The following SERGEF variants were observed in gnomAD, a reference collection of about 807,000 sequenced individuals.
SERGEF encodes the protein secretion-regulating guanine nucleotide exchange factor.
A neutral mutation model predicts 50.0 loss-of-function variants in SERGEF; 51 were observed. The observed-to-expected ratio is 1.02, with a 90% CI of 0.81 to 1.29. The LOEUF (loss-of-function observed/expected upper bound fraction) is 1.29, where lower values mean the gene tolerates loss of function less well. SERGEF is among the 50% of genes most tolerant of loss of function. The probability of loss-of-function intolerance (pLI) is 0.00; values close to 1 mark genes in which losing one functional copy is unlikely to be tolerated. For synonymous variants in SERGEF, 205 were observed against 212.4 expected (o/e 0.97, Z 0.30); for missense variants, 521 against 557.0 (o/e 0.94, Z 0.65).
intron 8 of SERGEF, among the ~76,000 whole-genome samples, chr11:17,969,387 C>T (rs1276048513): frequency 6.6e-6 from 1 of 152,138 alleles, no homozygotes; most frequent in Non-Finnish European, 1.5e-5. Context: ...CAGATTGCTG[C>T]CTAATCTTAG....
intron 9 of SERGEF, among the ~76,000 whole-genome samples, chr11:17,946,752 T>C (rs916601980): frequency 6.6e-6 from 1 of 152,206 alleles, no homozygotes; most frequent in Non-Finnish European, 1.5e-5. Context: ...CAATGCAGAT[T>C]GAAAAAGATG....
chr11:17,832,739 TG>T (rs1472925793), intron 10 of SERGEF, among the ~76,000 whole-genome samples: 1 of 152,216 alleles, frequency 6.6e-6, no homozygotes, highest in African/African-American at 2.4e-5. Context: ...ATGAAGAATT[TG>T]TTGGGAACTG....
At chr11:17,820,248 TC>T (rs1407197448) in intron 10 of SERGEF, among the ~76,000 whole-genome samples, 5 of 144,456 alleles carry the variant, frequency 3.5e-5, no homozygotes, top group Non-Finnish European at 6.1e-5. Flanking sequence ...CCCACTGCCC[TC>T]CCTCCCCCAA....
chr11:17,816,641 C>G (rs1014214214), intron 10 of SERGEF, among the ~76,000 whole-genome samples: 1 of 152,186 alleles, frequency 6.6e-6, no homozygotes, highest in Non-Finnish European at 1.5e-5. Flanking sequence ...TGCAGTCTGA[C>G]ACCACTTGCT....
At chr11:17,878,448 T>C (rs1851279860) in intron 9 of SERGEF, among the ~76,000 whole-genome samples, 1 of 152,164 alleles carries the variant, frequency 6.6e-6, no homozygotes, top group African/African-American at 2.4e-5. Context: ...AAATATTGAA[T>C]GGAAATTCAT....
Position 17,995,902 on chromosome 11 carries a change from G to C in SERGEF, c.516C>G (p.Gly172=), listed in dbSNP as rs749623076. 1 of 1,611,760 alleles carries C rather than the reference G, an allele frequency of 6.2e-7. No homozygotes were observed. Among genetic ancestry groups the C allele is most frequent in the Non-Finnish European group, 8.5e-7 (1 of 1,178,062 alleles). Residue 172 remains glycine, a synonymous_variant, in exon 6 of 11, where the codon GGC becomes GGG. Coordinates refer to ENST00000265965, the MANE Select transcript of SERGEF (RefSeq NM_012139.4). ...LRHAVAATAS[G]IVFQWGTGLA... ...AACCAGTCCCCCACTGGAACACGAT[G>C]CCACTCGCTTCCCAACAGAATGGAA...
intron 9 of SERGEF, among the ~76,000 whole-genome samples, chr11:17,948,457 G>A (rs566621705): frequency 3.3e-5 from 5 of 152,118 alleles, no homozygotes; most frequent in African/African-American, 4.8e-5. Flanking sequence ...GTGCAGACCC[G>A]ATCGTCAAAT....
At chr11:17,792,822 C>T (rs1025268686) in intron 10 of SERGEF, among the ~76,000 whole-genome samples, 1 of 152,154 alleles carries the variant, frequency 6.6e-6, no homozygotes, top group African/African-American at 2.4e-5. Context: ...GCTTGTCAAG[C>T]TTATTCTATA....
chr11:17,829,173 C>T (rs566305505), intron 10 of SERGEF, among the ~76,000 whole-genome samples: 5 of 152,342 alleles, frequency 3.3e-5, no homozygotes, highest in African/African-American at 1.2e-4. Flanking sequence ...GGCTCTGCTA[C>T]TTGTTACGTG....
Position 17,898,379 on chromosome 11 carries a change from G to A in SERGEF, c.1012-20135C>T, listed in dbSNP as rs116995272. Among the ~76,000 whole-genome samples the A allele has an allele frequency of 8.5e-4, 130 of 152,248 alleles. No individual in the cohort carries two copies. In the East Asian group the frequency reaches 0.019, roughly 23 times the overall value. On this transcript the variant is annotated intron_variant, in intron 9 of 10. Transcript: ENST00000265965. ...CAGGTAAGAGTAGGTTGAACTTCAG[G>A]TTCTATCACAATCTTCTGTGAACTT...
At chr11:17,993,747 T>G (rs915609446) in intron 6 of SERGEF, among the ~76,000 whole-genome samples, 5 of 152,186 alleles carry the variant, frequency 3.3e-5, no homozygotes, top group African/African-American at 1.2e-4. Context: ...ACAAAGCAGA[T>G]GTTTTCACCC....
chr11:17,936,681 C>T (rs1738509463), intron 9 of SERGEF, among the ~76,000 whole-genome samples: 1 of 152,156 alleles, frequency 6.6e-6, no homozygotes, highest in African/African-American at 2.4e-5. Flanking sequence ...AGGCATTTCA[C>T]AGAGAGACTC....
chr11:17,902,075 A>G (rs182027296), intron 9 of SERGEF, among the ~76,000 whole-genome samples: 13 of 152,354 alleles, frequency 8.5e-5, no homozygotes, highest in African/African-American at 1.4e-4. Context: ...TTTGTTGGAC[A>G]GATAAAAGGT....
At chr11:17,921,931 C>G (rs1487437599) in intron 9 of SERGEF, among the ~76,000 whole-genome samples, 2 of 152,178 alleles carry the variant, frequency 1.3e-5, no homozygotes, top group Non-Finnish European at 1.5e-5. Flanking sequence ...ACTGACTCCT[C>G]AGCACAATGG....
intron 10 of SERGEF, 29 bp from the exon 11 acceptor site, chr11:17,788,442 A>T (rs757106085): frequency 6.4e-7 from 1 of 1,567,024 alleles, no homozygotes; most frequent in African/African-American, 1.4e-5. Flanking sequence ...ACTGCTGTAG[A>T]AGAGGTTTTG....
chr11:17,816,217 G>C (rs1849972606), intron 10 of SERGEF, among the ~76,000 whole-genome samples: 1 of 152,160 alleles, frequency 6.6e-6, no homozygotes. Flanking sequence ...GAAAGGGGGA[G>C]TATTGTTTTT....
intron 9 of SERGEF, among the ~76,000 whole-genome samples, chr11:17,936,753 T>C (rs529626970): frequency 6.6e-6 from 1 of 152,294 alleles, no homozygotes; most frequent in African/African-American, 2.4e-5. Flanking sequence ...TACCATTTCG[T>C]GGGTACAGGG....
chr11:17,910,219 T>C (rs1405988200), intron 9 of SERGEF, among the ~76,000 whole-genome samples: 1 of 151,786 alleles, frequency 6.6e-6, no homozygotes, highest in Non-Finnish European at 1.5e-5. Flanking sequence ...TCTCTTTCCC[T>C]CCAAGGCTAA....
At chr11:17,965,785 AACCT>A (rs1250450264) in intron 8 of SERGEF, among the ~76,000 whole-genome samples, 1 of 152,104 alleles carries the variant, frequency 6.6e-6, no homozygotes, top group East Asian at 1.9e-4. Context: ...CCTACCTATC[AACCT>A]ACCTACCTCT....
Sources: gnomAD v4.1 joint callset for allele counts (sites outside exome capture counted in the v4.1 genomes callset) on GRCh38, gnomAD v4.1.1 for gene constraint, MANE v1.5 for transcripts, NCBI Gene and HGNC (gene_info 2026-07-23, HGNC 2026-07-21) for gene names.